ZNF407: variants seen among roughly 807,000 people sequenced by gnomAD.
The protein encoded by ZNF407 is zinc finger protein 407.
Under a neutral mutation model 131.2 loss-of-function variants are expected in ZNF407, and 17 were observed. The observed-to-expected ratio is 0.13, with a 90% confidence interval of 0.09 to 0.19. The LOEUF is 0.19. Among genes scored for constraint, ZNF407 ranks in the 10% least tolerant of loss-of-function variants. The probability of loss-of-function intolerance (pLI) is 1.00; values close to 1 mark genes in which losing one functional copy is unlikely to be tolerated. For synonymous variants in ZNF407, 1,156 were observed against 1,062.0 expected, an observed-to-expected ratio of 1.09 and a Z score of -1.72; for missense variants, 2,681 against 2,830.6, an observed-to-expected ratio of 0.95 and a Z score of 1.20.
At chr18:74,999,374 A>AAAAAAAACC (rs1568296646) in intron 8 of ZNF407, among the ~76,000 whole-genome samples, 1 of 143,412 alleles carries the variant, frequency 7.0e-6, no homozygotes, top group African/African-American at 2.6e-5. Context: ...AAAAAAAAAA[A>AAAAAAAACC]ACAAAGGTAA....
intron 3 of ZNF407, among the ~76,000 whole-genome samples, chr18:74,681,498 C>T (rs1966981490): frequency 1.3e-5 from 2 of 152,130 alleles, no homozygotes; most frequent in Non-Finnish European, 2.9e-5. Context: ...CCACCTTGGC[C>T]TTCCAAGGTG....
intron 3 of ZNF407, among the ~76,000 whole-genome samples, chr18:74,675,993 C>T (rs2144763110): frequency 6.6e-6 from 1 of 152,204 alleles, no homozygotes; most frequent in South Asian, 2.1e-4. Flanking sequence ...TATTATGCTT[C>T]TGCATGTATA....
intron 4 of ZNF407, among the ~76,000 whole-genome samples, chr18:74,831,394 A>G (rs1030285882): frequency 1.3e-5 from 2 of 152,210 alleles, no homozygotes; most frequent in Admixed American, 6.5e-5. Context: ...GAAACTGTGT[A>G]TCCTTTAAAC....
intron 4 of ZNF407, among the ~76,000 whole-genome samples, chr18:74,837,991 G>T (rs1216260436): frequency 3.3e-5 from 5 of 152,016 alleles, no homozygotes; most frequent in African/African-American, 1.2e-4. Flanking sequence ...AACTAGTCCA[G>T]GTCTCCCTTT....
intron 8 of ZNF407, among the ~76,000 whole-genome samples, chr18:75,011,110 C>T (rs1212809258): frequency 6.6e-6 from 1 of 152,172 alleles, no homozygotes; most frequent in Non-Finnish European, 1.5e-5. Context: ...CTCTTTGTTA[C>T]TCTTGGCTTG....
intron 8 of ZNF407, among the ~76,000 whole-genome samples, chr18:75,006,801 G>C (rs980525006): frequency 6.6e-6 from 1 of 151,946 alleles, no homozygotes; most frequent in Non-Finnish European, 1.5e-5. Flanking sequence ...GCATGTTGAA[G>C]TTTTTTACTA....
chr18:74,879,226 G>A (rs990196765), intron 5 of ZNF407, among the ~76,000 whole-genome samples: 5 of 152,114 alleles, frequency 3.3e-5, no homozygotes, highest in African/African-American at 1.2e-4. Flanking sequence ...AGGCCACAAA[G>A]AAGTTCATAA....
At chr18:75,006,403 T>TAGA (rs1310531077) in intron 8 of ZNF407, among the ~76,000 whole-genome samples, 1 of 152,228 alleles carries the variant, frequency 6.6e-6, no homozygotes. Flanking sequence ...GCATTAACAC[T>TAGA]AGAGGTCCTA....
At chr18:74,820,125 G>C (rs192966142) in intron 4 of ZNF407, among the ~76,000 whole-genome samples, 3 of 152,184 alleles carry the variant, frequency 2.0e-5, no homozygotes, top group Non-Finnish European at 4.4e-5. Flanking sequence ...GAATAGAATC[G>C]ATTTTCCAGT....
intron 8 of ZNF407, among the ~76,000 whole-genome samples, chr18:74,939,941 C>G (rs1972078358): frequency 6.6e-6 from 1 of 152,144 alleles, no homozygotes; most frequent in Non-Finnish European, 1.5e-5. Flanking sequence ...AGCTTACACA[C>G]CATGTCTCAG....
chr18:74,682,305 A>C (rs1424669377), intron 3 of ZNF407, among the ~76,000 whole-genome samples: 4 of 152,168 alleles, frequency 2.6e-5, no homozygotes, highest in African/African-American at 4.8e-5. Context: ...TGGCATTGAA[A>C]ATTGTGGTCA....
chr18:75,051,583 A>G (rs569099802), intron 8 of ZNF407, among the ~76,000 whole-genome samples: 58 of 152,366 alleles, frequency 3.8e-4, no homozygotes, highest in African/African-American at 1.3e-3. Context: ...TGAGCAGTGA[A>G]AGAAACATAT....
At chr18:74,843,530 AGCAC>A (rs755631951) in intron 4 of ZNF407, among the ~76,000 whole-genome samples, 57 of 152,348 alleles carry the variant, frequency 3.7e-4, no homozygotes, top group South Asian at 3.5e-3. Context: ...AGAAGATAAC[AGCAC>A]AATGAAAGAA....
chr18:74,641,436 A>G (rs1984711862), intron 3 of ZNF407, among the ~76,000 whole-genome samples: 1 of 152,150 alleles, frequency 6.6e-6, no homozygotes. Flanking sequence ...ACATACAAAA[A>G]TACATAATAT....
chr18:74,833,881 G>A (rs1970519775), intron 4 of ZNF407, among the ~76,000 whole-genome samples: 2 of 152,140 alleles, frequency 1.3e-5, no homozygotes, highest in South Asian at 2.1e-4. Context: ...TGGGGACTGT[G>A]AGGTAGGATC....
intron 3 of ZNF407, among the ~76,000 whole-genome samples, chr18:74,750,761 T>C (rs189591228): frequency 9.2e-5 from 14 of 152,320 alleles, no homozygotes; most frequent in Admixed American, 5.9e-4. Flanking sequence ...GTGCTAACTA[T>C]ATGTTTAACT....
At chr18:74,845,348 A>T (rs1212606991) in intron 4 of ZNF407, among the ~76,000 whole-genome samples, 1 of 152,220 alleles carries the variant, frequency 6.6e-6, no homozygotes, top group Non-Finnish European at 1.5e-5. Flanking sequence ...CCAGTAATGG[A>T]GAGATAGCGA....
chr18:74,729,300 G>A (rs1199823708), intron 3 of ZNF407, among the ~76,000 whole-genome samples: 1 of 152,186 alleles, frequency 6.6e-6, no homozygotes, highest in East Asian at 1.9e-4. Flanking sequence ...CAGCAAAGGA[G>A]GAGAATTGCC....
intron 8 of ZNF407, among the ~76,000 whole-genome samples, chr18:75,021,621 A>G (rs1973111541): frequency 6.6e-6 from 1 of 152,114 alleles, no homozygotes; most frequent in Non-Finnish European, 1.5e-5. Context: ...GGGAAATATT[A>G]TTTAATATTT....
Sources: allele counts gnomAD v4.1 joint callset (sites outside exome capture counted in the v4.1 genomes callset), GRCh38; gene constraint gnomAD v4.1.1; transcripts MANE v1.5; gene names NCBI Gene and HGNC (gene_info 2026-07-23, HGNC 2026-07-21).